Variants in TTC12 observed in about 807,000 individuals in gnomAD.
The protein encoded by TTC12 is tetratricopeptide repeat domain 12, also known as tetratricopeptide repeat protein 12.
Under a neutral mutation model 90.1 loss-of-function variants are expected in TTC12, and 70 were observed. The ratio of observed to expected loss-of-function variants is 0.78; its 90% CI spans 0.64 to 0.95. TTC12 has a LOEUF of 0.95. Among genes scored for constraint, TTC12 ranks in the 40% least tolerant of loss-of-function variants. The pLI is 0.00. For missense variants in TTC12, 819 were observed against 846.1 expected (o/e 0.97, Z 0.40); for synonymous variants, 296 against 311.5 (o/e 0.95, Z 0.53).
chr11:113,356,808 TG>T lies in TTC12; in HGVS notation c.1447-2552del, dbSNP rs369836800. On this transcript the variant is annotated intron_variant, in intron 16 of 21. Coordinates refer to ENST00000529221, the MANE Select transcript of TTC12 (RefSeq NM_017868.4). ...GCTGAGAGGTCTGCTGTTAGTCTGA[TG>T]GGCTTTCCTTTGTAAGTGACCTGAC... Among the ~76,000 whole-genome samples the T allele has an allele frequency of 3.4e-3, 522 of 152,346 alleles. 2 individuals carry two copies. The highest frequency in any genetic ancestry group is 0.012 in the African/African-American group (507 of 41,590).
intron 13 of TTC12, among the ~76,000 whole-genome samples, chr11:113,344,735 G>C (rs1948856582): frequency 6.6e-6 from 1 of 152,194 alleles, no homozygotes; most frequent in Non-Finnish European, 1.5e-5. Flanking sequence ...TAGGTCACTT[G>C]CTTCTCCGTC....
intron 13 of TTC12, among the ~76,000 whole-genome samples, chr11:113,346,446 G>C (rs1948964375): frequency 6.6e-6 from 1 of 152,102 alleles, no homozygotes; most frequent in Non-Finnish European, 1.5e-5. Context: ...GCAGCTATTG[G>C]TGCGGTGGCT....
At chr11:113,368,245 C>CT (rs1487113682), downstream of TTC12, 4 of 1,518,534 alleles carry the variant, frequency 2.6e-6, no homozygotes, top group African/African-American at 1.4e-5. Flanking sequence ...ACCTGAAGCT[C>CT]TGTCTCCTCG....
downstream of TTC12, chr11:113,368,634 C>A: frequency 1.2e-6 from 1 of 831,222 alleles, no homozygotes; most frequent in Non-Finnish European, 2.0e-6. Context: ...GACGGTGGTT[C>A]CAGTGCGCCG....
intron 3 of TTC12, 140 bp downstream of exon 3, chr11:113,323,591 A>C (rs1323167305): frequency 3.5e-6 from 2 of 577,504 alleles, no homozygotes; most frequent in Admixed American, 3.9e-5. Context: ...GAAAGTATAA[A>C]ATTTGATTTT....
chr11:113,349,860 G>T (rs1555149391), intron 13 of TTC12, among the ~76,000 whole-genome samples: 1 of 152,098 alleles, frequency 6.6e-6, no homozygotes, highest in East Asian at 1.9e-4. Flanking sequence ...CAGCATTCTG[G>T]GGATTCACAT....
At chr11:113,362,594 A>C in intron 19 of TTC12, 92 bp downstream of exon 19, 1 of 870,702 alleles carries the variant, frequency 1.1e-6, no homozygotes, top group Non-Finnish European at 1.9e-6. Flanking sequence ...TTGTTTGGTT[A>C]ATGTGCTGCC....
At chr11:113,346,083 C>T (rs980000219) in intron 13 of TTC12, among the ~76,000 whole-genome samples, 8 of 152,158 alleles carry the variant, frequency 5.3e-5, no homozygotes, top group African/African-American at 1.4e-4. Context: ...GCCCCTTGAC[C>T]GTCACGGCAG....
chr11:113,351,148 A>G, intron 14 of TTC12, 91 bp from the exon 15 acceptor site: 1 of 1,215,716 alleles, frequency 8.2e-7, no homozygotes, highest in African/African-American at 1.5e-5. Flanking sequence ...ATATGGACCT[A>G]GAGTTTGCAA....
rs368333321 is a variant in TTC12 at position 113,365,008 on chromosome 11, G to A, written c.1990G>A (p.Val664Met). The A allele has an allele frequency of 4.5e-5, 72 of 1,614,070 alleles. No individual in the cohort carries two copies. The Middle Eastern group carries it at 4.9e-4, about 11-fold the overall frequency. Residue 664 changes from valine (V) to methionine (M), a missense_variant, in exon 21 of 22, where the codon GTG (valine) becomes ATG (methionine). Physicochemically the swap from Val to Met is conservative, Grantham distance 21 (BLOSUM62 1). Transcript: ENST00000529221. ...AGGCAGTGACACACAGAAGACGGCC[G>A]TGCAGGTGAACGCAGGCATTGCTCT... ...LAGSDTQKTA[V>M]QVNAGIALGK...
intron 2 of TTC12, among the ~76,000 whole-genome samples, chr11:113,321,306 T>C (rs1555138353): frequency 6.6e-6 from 1 of 152,166 alleles, no homozygotes; most frequent in Non-Finnish European, 1.5e-5. Context: ...GAGTAAAAAT[T>C]GGTACAGCCA....
chr11:113,341,909 A>C lies in TTC12; in HGVS notation c.969A>C (p.Ala323=), dbSNP rs1555146252. Residue 323 remains alanine (A), a synonymous_variant, in exon 12 of 22, where the codon GCA becomes GCC. Transcript: ENST00000529221. ...TGTCTGTTCTCAAGCTCTGGCAAGC[A>C]GTGTGCAGCAGGAACGGTAAGCCTG... is the stretch of plus-strand genomic sequence containing the variant. ...VCVSVLKLWQ[A]VCSRNEENQR... is the part of the protein sequence containing the mutation. 10 of 1,614,092 alleles carry C rather than the reference A, an allele frequency of 6.2e-6. No homozygotes were observed. The South Asian group carries it at 1.1e-4, about 18-fold the overall frequency.
intron 7 of TTC12, among the ~76,000 whole-genome samples, chr11:113,330,526 A>G (rs991273604): frequency 1.3e-5 from 2 of 152,262 alleles, no homozygotes; most frequent in South Asian, 2.1e-4. Context: ...ATGCATAGAC[A>G]TAAAGACTAT....
intron 16 of TTC12, among the ~76,000 whole-genome samples, 157 bp from the exon 17 acceptor site, chr11:113,359,206 C>T (rs985632283): frequency 1.3e-5 from 2 of 152,074 alleles, no homozygotes; most frequent in African/African-American, 4.8e-5. Flanking sequence ...AACACTAACT[C>T]ATAGAACTGG....
At chr11:113,360,896 C>T (rs7110629) in intron 18 of TTC12, among the ~76,000 whole-genome samples, 4,778 of 152,294 alleles carry the variant, frequency 0.031, 267 homozygotes, top group African/African-American at 0.11. Flanking sequence ...TTTTCACAGA[C>T]GGGGCATCGT....
At chr11:113,317,867 G>A (rs1344806349) in intron 2 of TTC12, among the ~76,000 whole-genome samples, 3 of 151,978 alleles carry the variant, frequency 2.0e-5, no homozygotes, top group African/African-American at 7.3e-5. Flanking sequence ...TACCAGTGCT[G>A]TCCAATAGAG....
At chr11:113,368,298 C>T (rs988870825), downstream of TTC12, 3 of 1,540,124 alleles carry the variant, frequency 1.9e-6, no homozygotes, top group Non-Finnish European at 1.7e-6. Flanking sequence ...TCTCCCTCTC[C>T]AGTGTGGATC....
chr11:113,316,224 A>T lies in TTC12; in HGVS notation c.-15-19A>T. 7.7e-7 allele frequency: 1 copy of T among 1,303,596 alleles called. No individual in the cohort carries two copies. 80.8% of individuals were successfully genotyped at this position (1,303,596 alleles called of 1,614,324 possible). On this transcript the variant is annotated intron_variant, in intron 1 of 21. Coordinates refer to ENST00000529221, the MANE Select transcript of TTC12 (RefSeq NM_017868.4). ...GTGCTTTATTATTATTAATTTCACC[A>T]TTATGCTGCATCCCTTAGGGATTCC...
chr11:113,373,161 T>G, exon 22 of TTC12: 1 of 985,090 alleles, frequency 1.0e-6, no homozygotes, highest in Non-Finnish European at 1.2e-6. Context: ...AAGCAACTGG[T>G]CCAAGATCTA....
Sources: gnomAD v4.1 joint callset for allele counts (sites outside exome capture counted in the v4.1 genomes callset) on GRCh38, gnomAD v4.1.1 for gene constraint, MANE v1.5 for transcripts, NCBI Gene and HGNC (gene_info 2026-07-23, HGNC 2026-07-21) for gene names.